The following HIVEP2 variants were observed in gnomAD, a reference collection of about 807,000 sequenced individuals.
The protein encoded by HIVEP2 is transcription factor HIVEP2.
HIVEP2 carries 14 observed loss-of-function variants against 180.7 expected under a neutral mutation model. The observed-to-expected ratio is 0.08, with a 90% confidence interval of 0.05 to 0.12. The LOEUF is 0.12. HIVEP2 is among the 10% of genes least tolerant of loss of function. The probability of loss-of-function intolerance (pLI) is 1.00; values close to 1 mark genes in which losing one functional copy is unlikely to be tolerated. For missense variants in HIVEP2, 2,579 were observed against 3,008.5 expected (o/e 0.86, Z 3.34); for synonymous variants, 1,184 against 1,136.4 (o/e 1.04, Z -0.84).
At position 142,943,557 on chromosome 6, in the gene HIVEP2, A is replaced by G. The variant is rs1396641736; in HGVS notation, c.-641+1542T>C. On this transcript the variant is annotated intron_variant, in intron 1 of 9. Transcript: ENST00000367603. The surrounding 1 kb of genome is among the most constrained non-coding windows in gnomAD (Gnocchi z 4.5). ...GGAGAAAAATCAATAGCCCTTGACT[A>G]GGGCTCTGGGTATGCTAGAAAAACA... 6.6e-6 allele frequency among the ~76,000 whole-genome samples: 1 copy of G among 152,208 alleles called. No individual in the cohort carries two copies. The highest frequency in any genetic ancestry group is 2.4e-5 in the African/African-American group (1 of 41,444).
At chr6:142,784,808 G>A (rs952348930) in intron 2 of HIVEP2, among the ~76,000 whole-genome samples, 1 of 152,152 alleles carries the variant, frequency 6.6e-6, no homozygotes, top group Non-Finnish European at 1.5e-5. Flanking sequence ...TAAAGAGCAT[G>A]ATTCATTAAC....
At chr6:142,863,093 C>A (rs1776048049) in intron 1 of HIVEP2, among the ~76,000 whole-genome samples, 2 of 140,330 alleles carry the variant, frequency 1.4e-5, no homozygotes, top group African/African-American at 2.6e-5. Context: ...TATATAATTA[C>A]ATATAATAAA....
chr6:142,761,351 A>G (rs910806054), intron 8 of HIVEP2, 113 bp downstream of exon 8: 1 of 610,250 alleles, frequency 1.6e-6, no homozygotes, highest in Non-Finnish European at 2.9e-6. Context: ...AGTATTTAAT[A>G]AAATGAAAAG....
intron 2 of HIVEP2, among the ~76,000 whole-genome samples, chr6:142,822,952 G>C (rs1162049385): frequency 2.6e-5 from 4 of 152,096 alleles, no homozygotes; most frequent in African/African-American, 9.7e-5. Flanking sequence ...TCCTGTTCCA[G>C]CCCCACCTGC....
chr6:142,828,234 C>T (rs1424370875), intron 2 of HIVEP2, among the ~76,000 whole-genome samples: 1 of 152,170 alleles, frequency 6.6e-6, no homozygotes, highest in Middle Eastern at 3.2e-3. Flanking sequence ...TGAGACTTGC[C>T]TCTGTTAGTT....
At chr6:142,944,010 T>C (rs1778240635) in intron 1 of HIVEP2, among the ~76,000 whole-genome samples, 1 of 152,218 alleles carries the variant, frequency 6.6e-6, no homozygotes, top group Non-Finnish European at 1.5e-5. Context: ...GTGCCCCCGT[T>C]CCCTTGGTGT....
chr6:142,922,986 T>A (rs557965086), intron 1 of HIVEP2, among the ~76,000 whole-genome samples: 1 of 152,268 alleles, frequency 6.6e-6, no homozygotes, highest in South Asian at 2.1e-4. Flanking sequence ...CTATTATCAA[T>A]AAATCAGTAA....
chr6:142,875,590 AC>A (rs1776414824), intron 1 of HIVEP2, among the ~76,000 whole-genome samples: 1 of 152,196 alleles, frequency 6.6e-6, no homozygotes, highest in Admixed American at 6.5e-5. Flanking sequence ...GAGTAAGAAG[AC>A]ATAACATTCA....
At chr6:142,798,222 T>A (rs570526570) in intron 2 of HIVEP2, among the ~76,000 whole-genome samples, 1 of 151,524 alleles carries the variant, frequency 6.6e-6, no homozygotes, top group African/African-American at 2.4e-5. Flanking sequence ...TGAGCTGAGA[T>A]CGCGCCACTG....
At chr6:142,762,874 ACTC>A (rs1380260571) in intron 7 of HIVEP2, among the ~76,000 whole-genome samples, 4 of 152,066 alleles carry the variant, frequency 2.6e-5, no homozygotes, top group Non-Finnish European at 5.9e-5. Context: ...CCAGGCCCCC[ACTC>A]CTCCTATTTA....
intron 3 of HIVEP2, among the ~76,000 whole-genome samples, chr6:142,777,323 G>C (rs1309170208): frequency 1.3e-5 from 2 of 152,124 alleles, no homozygotes; most frequent in African/African-American, 4.8e-5. Flanking sequence ...TCAGGGGATA[G>C]TAACATTAAA....
chr6:142,802,504 T>A (rs1344680367), intron 2 of HIVEP2, among the ~76,000 whole-genome samples: 1 of 151,770 alleles, frequency 6.6e-6, no homozygotes, highest in East Asian at 1.9e-4. Flanking sequence ...TACATCTGAG[T>A]CTTGGCCATG....
chr6:142,816,206 G>T (rs1473921911), intron 2 of HIVEP2, among the ~76,000 whole-genome samples: 1 of 152,122 alleles, frequency 6.6e-6, no homozygotes, highest in Admixed American at 6.5e-5. Context: ...TGAATATTCT[G>T]ACAGGCAAAG....
intron 2 of HIVEP2, among the ~76,000 whole-genome samples, chr6:142,791,000 A>C (rs551919841): frequency 6.6e-6 from 1 of 152,242 alleles, no homozygotes; most frequent in Non-Finnish European, 1.5e-5. Flanking sequence ...ATGACATATC[A>C]TATAACCTAA....
chr6:142,876,788 C>T (rs1353042813), intron 1 of HIVEP2, among the ~76,000 whole-genome samples: 3 of 152,000 alleles, frequency 2.0e-5, no homozygotes, highest in South Asian at 2.1e-4. Flanking sequence ...TTTGGGAGGC[C>T]GAGGGAGGTG....
chr6:142,816,349 C>G (rs1776833962), intron 2 of HIVEP2, among the ~76,000 whole-genome samples: 1 of 152,168 alleles, frequency 6.6e-6, no homozygotes, highest in Non-Finnish European at 1.5e-5. Flanking sequence ...CAGTTCAGCC[C>G]ATTTCCAGAA....
chr6:142,923,925 G>A (rs1777739536), intron 1 of HIVEP2, among the ~76,000 whole-genome samples: 1 of 152,198 alleles, frequency 6.6e-6, no homozygotes, highest in Non-Finnish European at 1.5e-5. Context: ...AAGAATCTTT[G>A]GATCTCAAAC....
At position 142,942,900 on chromosome 6, in the gene HIVEP2, G is replaced by A. The variant is rs143500655; in HGVS notation, c.-641+2199C>T. On this transcript the variant is annotated intron_variant, in intron 1 of 9. Coordinates refer to ENST00000367603, the MANE Select transcript of HIVEP2 (RefSeq NM_006734.4). ...TTTGTTTTATACCCGACCTATGCTC[G>A]ACGCAAGAAATTGTCTCAATGTTCA... 4.1e-3 allele frequency among the ~76,000 whole-genome samples: 630 copies of A among 152,222 alleles called. 6 individuals carry two copies. The highest frequency in any genetic ancestry group is 0.014 in the African/African-American group (587 of 41,542).
intron 2 of HIVEP2, among the ~76,000 whole-genome samples, chr6:142,822,242 G>A (rs1052074498): frequency 1.3e-5 from 2 of 152,068 alleles, no homozygotes; most frequent in African/African-American, 2.4e-5. Context: ...GAAGCCTGTG[G>A]GCTCATTCTT....
Sources: gnomAD v4.1 joint callset for allele counts (sites outside exome capture counted in the v4.1 genomes callset) on GRCh38, gnomAD v4.1.1 for gene constraint, Gnocchi (gnomAD v3.1) non-coding constraint, MANE v1.5 for transcripts, NCBI Gene and HGNC (gene_info 2026-07-23, HGNC 2026-07-21) for gene names.